Variants in FAS observed in about 807,000 individuals in gnomAD.
FAS encodes the protein tumor necrosis factor receptor superfamily member 6.
Under a neutral mutation model 33.2 loss-of-function variants are expected in FAS, and 5 were observed. That is an observed-to-expected ratio of 0.15 (90% confidence interval 0.08 to 0.32). The LOEUF is 0.32. FAS is among the 10% of genes least tolerant of loss of function. The pLI, the probability that FAS is intolerant of heterozygous loss-of-function variation, is 1.00. For missense variants in FAS, 339 were observed against 386.0 expected, an observed-to-expected ratio of 0.88 and a Z score of 1.02; for synonymous variants, 131 against 130.7, an observed-to-expected ratio of 1.00 and a Z score of -0.01.
At chr10:88,968,851 T>G (rs1846370160) in intron 1 of FAS, among the ~76,000 whole-genome samples, 1 of 152,156 alleles carries the variant, frequency 6.6e-6, no homozygotes, top group African/African-American at 2.4e-5. Flanking sequence ...ATTCATCCCT[T>G]TTAAAGCCTT....
At chr10:88,999,077 C>T (rs1399043272) in intron 1 of FAS, among the ~76,000 whole-genome samples, 1 of 151,432 alleles carries the variant, frequency 6.6e-6, no homozygotes, top group Non-Finnish European at 1.5e-5. Context: ...CACTTGAACC[C>T]GGGAGGCGGA....
At chr10:88,999,077 C>A (rs1399043272) in intron 1 of FAS, among the ~76,000 whole-genome samples, 1 of 151,432 alleles carries the variant, frequency 6.6e-6, no homozygotes. Flanking sequence ...CACTTGAACC[C>A]GGGAGGCGGA....
At chr10:89,013,502 C>A in intron 8 of FAS, 135 bp downstream of exon 8, 1 of 824,828 alleles carries the variant, frequency 1.2e-6, no homozygotes, top group East Asian at 2.5e-5. Context: ...TCTACCTGCT[C>A]AGCATAAAGC....
At chr10:89,010,665 C>G in intron 5 of FAS, 65 bp downstream of exon 5, 4 of 1,606,072 alleles carry the variant, frequency 2.5e-6, no homozygotes, top group Non-Finnish European at 1.7e-6. Context: ...TGAAGAAAAA[C>G]CAATCACTCT....
In FAS at chr10:89,014,202, GT is replaced by G; in HGVS notation, c.761del (p.Val254AlafsTer6). On this transcript the variant is annotated frameshift_variant, in exon 9 of 9. Coordinates refer to ENST00000652046, the MANE Select transcript of FAS (RefSeq NM_000043.6). LOFTEE classifies it low-confidence loss of function (END_TRUNC). ...QVKGFVRKNG[V>X]NEAKIDEIKN... ...TAAAGGCTTTGTTCGAAAGAATGGT[GT>G]CAATGAAGCCAAAATAGATGAGATC... is the stretch of plus-strand genomic sequence containing the variant. The G allele has an allele frequency of 6.2e-7, 1 of 1,613,918 alleles. No individual in the cohort carries two copies. Among genetic ancestry groups the G allele is most frequent in the Non-Finnish European group, 8.5e-7 (1 of 1,179,926 alleles).
intron 2 of FAS, among the ~76,000 whole-genome samples, chr10:89,005,317 C>G (rs1337373777): frequency 6.6e-6 from 1 of 151,942 alleles, no homozygotes; most frequent in Non-Finnish European, 1.5e-5. Flanking sequence ...ACTTCTATAT[C>G]ACAAAATTGT....
chr10:89,006,707 T>C (rs1848248478), intron 2 of FAS, among the ~76,000 whole-genome samples: 2 of 152,184 alleles, frequency 1.3e-5, no homozygotes, highest in South Asian at 4.1e-4. Flanking sequence ...TCTGCCTGCA[T>C]CCCAAGAAGG....
chr10:89,013,493 C>T lies in FAS; in HGVS notation c.676+126C>T. 6 of 915,210 alleles carry T rather than the reference C, an allele frequency of 6.6e-6. No homozygotes were observed. In the South Asian group the frequency reaches 8.7e-5, roughly 13 times the overall value. 56.7% of individuals were successfully genotyped at this position (915,210 alleles called of 1,614,324 possible). A position where few individuals can be genotyped will look rare whatever the true frequency, so the allele number is the denominator to read the frequency against. The stretch of plus-strand genomic sequence containing the variant: ...GGATCTTGTTATTTCTCATACAATT[C>T]TACCTGCTCAGCATAAAGCATTTAT... On this transcript the variant is annotated intron_variant, in intron 8 of 8. Coordinates refer to ENST00000652046, the MANE Select transcript of FAS (RefSeq NM_000043.6).
intron 1 of FAS, among the ~76,000 whole-genome samples, chr10:89,000,849 T>C (rs1926193): frequency 0.5 from 75,391 of 151,696 alleles, 19,368 homozygotes; most frequent in Non-Finnish European, 0.56. Context: ...GAGTTTGAGA[T>C]TAGCCTGGCC....
At chr10:88,982,121 C>G (rs79152594), upstream of FAS, among the ~76,000 whole-genome samples, 1 of 152,192 alleles carries the variant, frequency 6.6e-6, no homozygotes, top group African/African-American at 2.4e-5. Flanking sequence ...GGTTCAAACC[C>G]CAGCTCTACA....
At chr10:88,985,651 C>A (rs1369330278), upstream of FAS, among the ~76,000 whole-genome samples, 1 of 152,218 alleles carries the variant, frequency 6.6e-6, no homozygotes, top group African/African-American at 2.4e-5. Context: ...GAGTCCCCCA[C>A]CCCCATCCCA....
At position 88,991,325 on chromosome 10, in the gene FAS, G is replaced by A. The variant is rs373853449; in HGVS notation, c.30+419G>A. 1.0e-4 allele frequency: 35 copies of A among 343,178 alleles called. No homozygotes were observed. In the East Asian group the frequency reaches 1.8e-3, roughly 17 times the overall value. The allele number at this position is 343,178 out of a possible 1,614,324, so 21.3% of individuals were successfully genotyped here. On this transcript the variant is annotated intron_variant, in intron 1 of 8. Transcript: ENST00000652046. ...GGAACTCCTGGACAAGCCCTGACAAGCCAAGCCAAAGGTCCGCTCCGGCGC... is the reference window on the plus strand; with the variant it reads ...GGAACTCCTGGACAAGCCCTGACAAACCAAGCCAAAGGTCCGCTCCGGCGC...
upstream of FAS, among the ~76,000 whole-genome samples, chr10:88,985,475 C>T (rs544817633): frequency 1.3e-5 from 2 of 152,328 alleles, no homozygotes; most frequent in East Asian, 3.9e-4. Context: ...TCCTTTCTAC[C>T]CAAGTGCTCT....
intron 1 of FAS, among the ~76,000 whole-genome samples, chr10:89,000,447 A>G (rs543091503): frequency 1.1e-4 from 16 of 152,352 alleles, no homozygotes; most frequent in Middle Eastern, 6.8e-3. Context: ...TTTTTATTAT[A>G]CAACAAACAC....
chr10:89,005,367 ATATT>A (rs1280236694), intron 2 of FAS, among the ~76,000 whole-genome samples: 2 of 152,222 alleles, frequency 1.3e-5, no homozygotes, highest in South Asian at 4.1e-4. Context: ...TTAAAACAAA[ATATT>A]TACAGTATTT....
chr10:89,006,797 C>T (rs183422673), intron 2 of FAS, among the ~76,000 whole-genome samples: 1 of 152,258 alleles, frequency 6.6e-6, no homozygotes, highest in East Asian at 1.9e-4. Context: ...ACTCAATAGG[C>T]ATTTAATAAA....
upstream of FAS, among the ~76,000 whole-genome samples, chr10:88,988,924 C>T (rs977803206): frequency 6.6e-6 from 1 of 152,260 alleles, no homozygotes; most frequent in East Asian, 1.9e-4. Flanking sequence ...TATGTCTCCC[C>T]ACAAAGCACA....
chr10:88,983,083 G>C (rs1242361165), upstream of FAS, among the ~76,000 whole-genome samples: 2 of 152,192 alleles, frequency 1.3e-5, no homozygotes, highest in Non-Finnish European at 2.9e-5. Context: ...TTGACAGGTA[G>C]TTTATATCCA....
intron 2 of FAS, among the ~76,000 whole-genome samples, chr10:89,003,727 C>T (rs546931725): frequency 6.6e-6 from 1 of 152,084 alleles, no homozygotes; most frequent in Non-Finnish European, 1.5e-5. Context: ...TAAATCAATA[C>T]TTTGAAGGGC....
Sources: gnomAD v4.1 joint callset for allele counts (sites outside exome capture counted in the v4.1 genomes callset) on GRCh38, gnomAD v4.1.1 for gene constraint, MANE v1.5 for transcripts, NCBI Gene and HGNC (gene_info 2026-07-23, HGNC 2026-07-21) for gene names.